Variants in CCSER1 observed in about 807,000 individuals in gnomAD.
CCSER1 encodes serine-rich coiled-coil domain-containing protein 1.
A neutral mutation model predicts 82.0 loss-of-function variants in CCSER1; 41 were observed. The ratio of observed to expected loss-of-function variants is 0.50; its 90% CI spans 0.39 to 0.65. The LOEUF (loss-of-function observed/expected upper bound fraction) is 0.65, where lower values mean the gene tolerates loss of function less well. Ranked by LOEUF, CCSER1 falls within the 30% of genes least tolerant of loss-of-function variation. The probability of loss-of-function intolerance (pLI) is 0.00; values close to 1 mark genes in which losing one functional copy is unlikely to be tolerated. For synonymous variants in CCSER1, 414 were observed against 383.9 expected, an observed-to-expected ratio of 1.08 and a Z score of -0.92; for missense variants, 1,119 against 1,064.2, an observed-to-expected ratio of 1.05 and a Z score of -0.72.
chr4:91,506,721 G>A (rs1480270239), intron 10 of CCSER1, among the ~76,000 whole-genome samples: 2 of 152,082 alleles, frequency 1.3e-5, no homozygotes, highest in East Asian at 3.9e-4. Context: ...TTACAATTAA[G>A]TTGTTTTCAG....
intron 7 of CCSER1, among the ~76,000 whole-genome samples, chr4:90,805,353 G>A (rs1757369403): frequency 7.6e-6 from 1 of 132,054 alleles, no homozygotes; most frequent in African/African-American, 3.0e-5. Context: ...GTTGATGTTG[G>A]GTGTCCTTTG....
intron 9 of CCSER1, among the ~76,000 whole-genome samples, chr4:90,942,965 T>TA (rs1731772914): frequency 1.3e-5 from 2 of 148,578 alleles, no homozygotes; most frequent in Non-Finnish European, 3.0e-5. Flanking sequence ...TATATATATA[T>TA]TAAAGGAAGT....
At chr4:90,869,250 G>A (rs1338989485) in intron 8 of CCSER1, among the ~76,000 whole-genome samples, 1 of 151,882 alleles carries the variant, frequency 6.6e-6, no homozygotes, top group African/African-American at 2.4e-5. Flanking sequence ...GTGCTTTGGG[G>A]TATAATACTC....
chr4:90,498,081 A>C lies in CCSER1; in HGVS notation c.1724+29727A>C, dbSNP rs563750401. Among the ~76,000 whole-genome samples the C allele has an allele frequency of 3.0e-4, 46 of 152,160 alleles. No homozygotes were observed. In the Middle Eastern group the frequency reaches 0.01, roughly 34 times the overall value. ...ATCCCCACTTATCCATGGGGGATAA[A>C]TTCCAAGATCCCCAGTGGATGCCTG... On this transcript the variant is annotated intron_variant, in intron 5 of 10. Coordinates refer to ENST00000509176, the MANE Select transcript of CCSER1 (RefSeq NM_001145065.2).
chr4:91,146,797 G>C (rs1729588074), intron 10 of CCSER1, among the ~76,000 whole-genome samples: 2 of 152,048 alleles, frequency 1.3e-5, no homozygotes, highest in Admixed American at 6.6e-5. Context: ...TTTTTGTTTG[G>C]TGGTGTAGTT....
chr4:90,710,958 G>A (rs1414697882), intron 6 of CCSER1, among the ~76,000 whole-genome samples: 4 of 151,892 alleles, frequency 2.6e-5, no homozygotes, highest in African/African-American at 7.3e-5. Context: ...CTTCTTATCC[G>A]TGAGCATGAA....
intron 10 of CCSER1, among the ~76,000 whole-genome samples, chr4:91,170,802 G>A (rs1049591907): frequency 3.3e-5 from 5 of 152,072 alleles, no homozygotes; most frequent in Non-Finnish European, 7.4e-5. Flanking sequence ...AACCAGCAAG[G>A]AACCCACCAT....
At chr4:91,005,149 A>G (rs1345494892) in intron 9 of CCSER1, among the ~76,000 whole-genome samples, 1 of 152,172 alleles carries the variant, frequency 6.6e-6, no homozygotes, top group East Asian at 1.9e-4. Flanking sequence ...CTACCTTTCA[A>G]ATCAATAGCC....
chr4:90,168,557 A>G (rs545849397), intron 1 of CCSER1, among the ~76,000 whole-genome samples: 52 of 152,290 alleles, frequency 3.4e-4, no homozygotes, highest in African/African-American at 1.2e-3. Flanking sequence ...GCCCATGCCT[A>G]TGTCCTGAAT....
intron 10 of CCSER1, among the ~76,000 whole-genome samples, chr4:91,092,015 T>C (rs765611513): frequency 2.0e-5 from 3 of 152,146 alleles, no homozygotes; most frequent in East Asian, 1.9e-4. Context: ...GCCTATGATA[T>C]AATGTTTCAT....
chr4:90,386,188 CT>C (rs1252279705), intron 3 of CCSER1, among the ~76,000 whole-genome samples: 2 of 152,120 alleles, frequency 1.3e-5, no homozygotes, highest in African/African-American at 4.8e-5. Context: ...CAAAAAGAGC[CT>C]GAATAGCCAA....
At chr4:90,161,593 A>T (rs1729454926) in intron 1 of CCSER1, among the ~76,000 whole-genome samples, 1 of 152,096 alleles carries the variant, frequency 6.6e-6, no homozygotes, top group Non-Finnish European at 1.5e-5. Flanking sequence ...TAATTATAGA[A>T]AATAACTCTT....
chr4:90,983,491 C>T (rs974397062), intron 9 of CCSER1, among the ~76,000 whole-genome samples: 4 of 151,632 alleles, frequency 2.6e-5, no homozygotes, highest in East Asian at 1.9e-4. Context: ...CTAAATCTTT[C>T]GTGGACTCTC....
intron 7 of CCSER1, among the ~76,000 whole-genome samples, chr4:90,788,624 C>T (rs1364310030): frequency 1.3e-5 from 2 of 152,090 alleles, no homozygotes; most frequent in African/African-American, 2.4e-5. Context: ...CACTTCCCTC[C>T]AGTATTTTCT....
At chr4:91,472,021 CTAAGT>C (rs1578550791) in intron 10 of CCSER1, among the ~76,000 whole-genome samples, 1 of 149,840 alleles carries the variant, frequency 6.7e-6, no homozygotes, top group East Asian at 2.0e-4. Flanking sequence ...TTTTATTTAA[CTAAGT>C]TATTAGTAAA....
chr4:90,784,781 A>T (rs2149628776), intron 7 of CCSER1, among the ~76,000 whole-genome samples: 1 of 152,334 alleles, frequency 6.6e-6, no homozygotes, highest in Non-Finnish European at 1.5e-5. Context: ...TCTTACTGAT[A>T]ACATAAACAT....
intron 1 of CCSER1, among the ~76,000 whole-genome samples, chr4:90,219,183 T>C (rs950072483): frequency 4.6e-5 from 7 of 152,126 alleles, no homozygotes; most frequent in African/African-American, 1.7e-4. Flanking sequence ...AGTATGGAAA[T>C]AGGGATGAGG....
intron 6 of CCSER1, among the ~76,000 whole-genome samples, chr4:90,671,390 T>C (rs968750156): frequency 4.6e-5 from 7 of 152,052 alleles, no homozygotes; most frequent in African/African-American, 1.7e-4. Context: ...TTCCAAAACT[T>C]TTCTTGTCCT....
intron 10 of CCSER1, among the ~76,000 whole-genome samples, chr4:91,402,618 G>T (rs969668202): frequency 7.9e-5 from 12 of 152,286 alleles, no homozygotes; most frequent in African/African-American, 2.9e-4. Context: ...CATATGGCTA[G>T]CCAGTTTTCC....
Sources: gnomAD v4.1 joint callset for allele counts (sites outside exome capture counted in the v4.1 genomes callset) on GRCh38, gnomAD v4.1.1 for gene constraint, MANE v1.5 for transcripts, NCBI Gene and HGNC (gene_info 2026-07-23, HGNC 2026-07-21) for gene names.